ATP10A: variants seen among roughly 807,000 people sequenced by gnomAD.
The protein encoded by ATP10A is phospholipid-transporting ATPase VA.
Under a neutral mutation model 147.8 loss-of-function variants are expected in ATP10A, and 111 were observed. That is an observed-to-expected ratio of 0.75 (90% confidence interval 0.64 to 0.88). ATP10A has a LOEUF of 0.88. ATP10A is among the 40% of genes least tolerant of loss of function. The probability of loss-of-function intolerance (pLI) is 0.00; values close to 1 mark genes in which losing one functional copy is unlikely to be tolerated. For synonymous variants in ATP10A, 875 were observed against 841.6 expected, an observed-to-expected ratio of 1.04 and a Z score of -0.69; for missense variants, 1,927 against 1,959.0, an observed-to-expected ratio of 0.98 and a Z score of 0.31.
intron 2 of ATP10A, among the ~76,000 whole-genome samples, chr15:25,752,191 C>A (rs958700364): frequency 6.6e-6 from 1 of 152,002 alleles, no homozygotes; most frequent in Non-Finnish European, 1.5e-5. Flanking sequence ...AATCAGTTTG[C>A]CAAAGAGATG....
intron 2 of ATP10A, among the ~76,000 whole-genome samples, chr15:25,748,739 A>T (rs1596810995): frequency 6.6e-6 from 1 of 152,206 alleles, no homozygotes; most frequent in East Asian, 1.9e-4. Flanking sequence ...GATCTAAAAT[A>T]ATCTTAGAAA....
intron 1 of ATP10A, among the ~76,000 whole-genome samples, chr15:25,833,191 T>C (rs1176477154): frequency 6.6e-6 from 1 of 152,098 alleles, no homozygotes; most frequent in Non-Finnish European, 1.5e-5. Context: ...CCATGTTGGC[T>C]GGGCTGGTTT....
intron 1 of ATP10A, among the ~76,000 whole-genome samples, chr15:25,823,172 G>T (rs906070240): frequency 6.6e-6 from 1 of 152,132 alleles, no homozygotes; most frequent in South Asian, 2.1e-4. Context: ...TTAATGGAGG[G>T]TTTAATATTT....
At chr15:25,690,901 C>G (rs780073149) in intron 15 of ATP10A, among the ~76,000 whole-genome samples, 1 of 152,110 alleles carries the variant, frequency 6.6e-6, no homozygotes, top group Non-Finnish European at 1.5e-5. Flanking sequence ...AAGGACCAGC[C>G]GTGACGGAAC....
At chr15:25,795,036 G>A (rs1890604810) in intron 1 of ATP10A, among the ~76,000 whole-genome samples, 1 of 152,228 alleles carries the variant, frequency 6.6e-6, no homozygotes, top group African/African-American at 2.4e-5. Flanking sequence ...GAGATAGGAA[G>A]TGCTGAGAAA....
At chr15:25,819,135 T>C (rs960635993) in intron 1 of ATP10A, among the ~76,000 whole-genome samples, 9 of 152,082 alleles carry the variant, frequency 5.9e-5, no homozygotes, top group African/African-American at 1.9e-4. Flanking sequence ...ACAGAGTGAA[T>C]AGACAGCCTG....
Position 25,707,865 on chromosome 15 carries a change from C to G in ATP10A, c.2575+111G>C, listed in dbSNP as rs1255521096. On this transcript the variant is annotated intron_variant, in intron 12 of 20. Transcript: ENST00000555815. ...GTGCCAGCGTCCTGCCAGGTGGCTC[C>G]CTAACCAAGGCCAGCCTGCGGAGCA... 1.4e-5 allele frequency: 20 copies of G among 1,462,462 alleles called. No homozygotes were observed. The Admixed American group carries it at 4.2e-4, about 31-fold the overall frequency. 90.6% of individuals were successfully genotyped at this position (1,462,462 alleles called of 1,614,324 possible).
chr15:25,861,342 G>A (rs953074792), intron 1 of ATP10A, among the ~76,000 whole-genome samples: 5 of 152,150 alleles, frequency 3.3e-5, no homozygotes, highest in African/African-American at 9.7e-5. Context: ...CTGTGCGGGC[G>A]GGAAGACCTG....
intron 1 of ATP10A, chr15:25,841,726 TA>T (rs1399177172): frequency 6.6e-6 from 1 of 152,246 alleles, no homozygotes; most frequent in African/African-American, 2.4e-5. Context: ...TGTTCCTTGA[TA>T]TTTTTCATCA....
At chr15:25,767,778 C>T (rs1889106398) in intron 2 of ATP10A, among the ~76,000 whole-genome samples, 2 of 152,214 alleles carry the variant, frequency 1.3e-5, no homozygotes, top group African/African-American at 4.8e-5. Context: ...GGCAGATGTT[C>T]TCTGCAGCCA....
At chr15:25,678,614 C>T (rs1177047231), downstream of ATP10A, 1 of 152,164 alleles carries the variant, frequency 6.6e-6, no homozygotes, top group Non-Finnish European at 1.5e-5. Context: ...TCTTCATAGC[C>T]TCTAAAAGGA....
chr15:25,771,517 C>T (rs35732662), intron 2 of ATP10A, among the ~76,000 whole-genome samples: 7 of 152,176 alleles, frequency 4.6e-5, no homozygotes, highest in African/African-American at 7.2e-5. Context: ...ATCTTCCCAG[C>T]TACAGAACAA....
intron 1 of ATP10A, among the ~76,000 whole-genome samples, chr15:25,834,992 G>T (rs927657003): frequency 2.0e-5 from 3 of 152,214 alleles, no homozygotes; most frequent in African/African-American, 7.2e-5. Context: ...GCCAGGTGCA[G>T]TTGCTCACAC....
At chr15:25,799,690 G>A (rs754871024) in intron 1 of ATP10A, among the ~76,000 whole-genome samples, 12 of 152,002 alleles carry the variant, frequency 7.9e-5, no homozygotes, top group East Asian at 1.9e-4. Context: ...CTGTGATCAC[G>A]TCACTGCACC....
At chr15:25,756,360 C>T (rs538618933) in intron 2 of ATP10A, among the ~76,000 whole-genome samples, 6 of 152,252 alleles carry the variant, frequency 3.9e-5, no homozygotes, top group Admixed American at 3.9e-4. Flanking sequence ...AAAGTGAGTG[C>T]TGGCCAGGCG....
chr15:25,745,463 T>G (rs1442439539), intron 2 of ATP10A, among the ~76,000 whole-genome samples: 1 of 152,022 alleles, frequency 6.6e-6, no homozygotes. Flanking sequence ...GGCTCATGCC[T>G]GTAATCCAAG....
At chr15:25,823,618 A>C (rs1331433293) in intron 1 of ATP10A, among the ~76,000 whole-genome samples, 1 of 152,192 alleles carries the variant, frequency 6.6e-6, no homozygotes, top group Non-Finnish European at 1.5e-5. Flanking sequence ...GTTACGGTAC[A>C]ATTTATTCAC....
chr15:25,755,808 G>A (rs77877012), intron 2 of ATP10A, among the ~76,000 whole-genome samples: 1,766 of 152,200 alleles, frequency 0.012, 68 homozygotes, highest in East Asian at 0.1. Flanking sequence ...TCCAACTCTG[G>A]AACTAAACCT....
At chr15:25,786,792 G>GTTTTT (rs60057456) in intron 1 of ATP10A, among the ~76,000 whole-genome samples, 52 of 135,286 alleles carry the variant, frequency 3.8e-4, no homozygotes, top group Admixed American at 1.1e-3. Context: ...TGCCCAGCTA[G>GTTTTT]TTTTTTTTTT....
Sources: gnomAD v4.1 joint callset for allele counts (sites outside exome capture counted in the v4.1 genomes callset) on GRCh38, gnomAD v4.1.1 for gene constraint, MANE v1.5 for transcripts, NCBI Gene and HGNC (gene_info 2026-07-23, HGNC 2026-07-21) for gene names.